PLK4: variants seen among roughly 807,000 people sequenced by gnomAD.
PLK4 encodes polo like kinase 4.
PLK4 carries 51 observed loss-of-function variants against 103.0 expected under a neutral mutation model. That is an observed-to-expected ratio of 0.50 (90% CI 0.40 to 0.63). The LOEUF is 0.63. Among genes scored for constraint, PLK4 ranks in the 20% least tolerant of loss-of-function variants. The probability of loss-of-function intolerance (pLI) is 0.00; values close to 1 mark genes in which losing one functional copy is unlikely to be tolerated. For synonymous variants in PLK4, 389 were observed against 376.8 expected (o/e 1.03, Z -0.38); for missense variants, 1,054 against 1,151.0 (o/e 0.92, Z 1.22).
chr4:127,887,426 T>C lies in PLK4; in HGVS notation c.1389T>C (p.Pro463=). The C allele has an allele frequency of 6.2e-7, 1 of 1,611,270 alleles. No individual in the cohort carries two copies. Among genetic ancestry groups the C allele is most frequent in the Non-Finnish European group, 8.5e-7 (1 of 1,177,968 alleles). Residue 463 remains proline (P), a synonymous_variant, in exon 6 of 16, where the codon CCT becomes CCC. Coordinates refer to ENST00000270861, the MANE Select transcript of PLK4 (RefSeq NM_014264.5). The part of the protein sequence containing the change: ...LSNHLCPGKT[P]FPFADPTPQT... ...ATCATCTTTGTCCAGGAAAAACTCC[T>C]TTTCCATTTGCAGACCCGACACCTC... is the stretch of plus-strand genomic sequence containing the variant.
At position 127,886,445 on chromosome 4, in the gene PLK4, A is replaced by G. The variant is rs368019065; in HGVS notation, c.1075A>G (p.Arg359Gly). The G allele has an allele frequency of 6.2e-7, 1 of 1,614,134 alleles. No individual in the cohort carries two copies. The highest frequency in any genetic ancestry group is 1.7e-5 in the Admixed American group (1 of 60,022). The change falls in exon 5 of 16, where the codon AGA (arginine) becomes GGA (glycine). Residue 359 changes from arginine (R) to glycine (G), a missense_variant. By Grantham distance (125) the Arg-to-Gly change is moderately radical. This residue lies in a region of PLK4 where 680 missense variants were observed against 660.3 expected (regional missense o/e 1.03). Transcript: ENST00000270861. Reference protein sequence around the residue: ...NQETSNSGRGRVIQDAEERPH... With the variant: ...NQETSNSGRGGVIQDAEERPH... Reference sequence around the variant, plus strand: ...AGAAACCAGTAATAGTGGAAGGGGAAGAGTAATTCAAGATGCAGAAGAAAG... The same window carrying G: ...AGAAACCAGTAATAGTGGAAGGGGAGGAGTAATTCAAGATGCAGAAGAAAG...
In PLK4 at chr4:127,895,049, C is replaced by T. The variant is rs367716417; in HGVS notation, c.2659C>T (p.Leu887Phe). 5.4e-5 allele frequency: 87 copies of T among 1,612,428 alleles called. No individual in the cohort carries two copies. The African/African-American group carries it at 9.5e-4, about 18-fold the overall frequency. The stretch of plus-strand genomic sequence containing the variant: ...AGATTGTCTTCCTAAATCAGCACAA[C>T]TTTTGAAATCTGTTTTTGTGAAAAA... ...LKDCLPKSAQ[L>F]LKSVFVKNVG... The change falls in exon 14 of 16, where the codon CTT becomes TTT. Residue 887 changes from leucine (L) to phenylalanine (F), a missense_variant. Physicochemically the swap from Leu to Phe is conservative, Grantham distance 22. Coordinates refer to ENST00000270861, the MANE Select transcript of PLK4 (RefSeq NM_014264.5).
Position 127,886,609 on chromosome 4 carries a change from A to T in PLK4, c.1239A>T (p.Gly413=). The T allele has an allele frequency of 1.2e-6, 2 of 1,614,006 alleles. No homozygotes were observed. The highest frequency in any genetic ancestry group is 1.7e-6 in the Non-Finnish European group (2 of 1,179,842). Residue 413 remains glycine, a synonymous_variant, in exon 5 of 16, where the codon GGA becomes GGT. Transcript: ENST00000270861. Reference sequence around the variant, plus strand: ...TTTCAGTGTCCAAAAGATCAGGAGGAGGTGAAAATGAAGAGAGGTACTCAC... The same window carrying T: ...TTTCAGTGTCCAAAAGATCAGGAGGTGGTGAAAATGAAGAGAGGTACTCAC... The part of the protein sequence containing the change: ...EMLSVSKRSG[G]GENEERYSPT...
Position 127,887,428 on chromosome 4 carries a change from T to C in PLK4, c.1391T>C (p.Phe464Ser), listed in dbSNP as rs866752288. The C allele has an allele frequency of 2.5e-6, 4 of 1,611,626 alleles. No individual in the cohort carries two copies. The African/African-American group carries it at 4.0e-5, about 16-fold the overall frequency. ...SNHLCPGKTP[F>S]PFADPTPQTE... is the part of the protein sequence containing the mutation. ...CATCTTTGTCCAGGAAAAACTCCTT[T>C]TCCATTTGCAGACCCGACACCTCAG... The change falls in exon 6 of 16, where the codon TTT becomes TCT. Residue 464 changes from phenylalanine (F) to serine (S), a missense_variant. This residue lies in a region of PLK4 where 680 missense variants were observed against 660.3 expected (regional missense o/e 1.03). Coordinates refer to ENST00000270861, the MANE Select transcript of PLK4 (RefSeq NM_014264.5).
intron 4 of PLK4, among the ~76,000 whole-genome samples, chr4:127,885,153 G>A (rs1408296872): frequency 6.6e-6 from 1 of 151,932 alleles, no homozygotes; most frequent in African/African-American, 2.4e-5. Context: ...TGGAAATAAC[G>A]AAGATTAAAA....
chr4:127,892,966 C>A (rs1216658043), intron 10 of PLK4, among the ~76,000 whole-genome samples: 4 of 151,948 alleles, frequency 2.6e-5, no homozygotes, highest in African/African-American at 9.7e-5. Context: ...AATCTATAAA[C>A]CTCCTTTAAG....
intron 13 of PLK4, 150 bp from the exon 14 acceptor site, chr4:127,894,803 A>T (rs943187959): frequency 1.1e-5 from 6 of 524,130 alleles, no homozygotes; most frequent in African/African-American, 9.9e-5. Flanking sequence ...TATTTTTCTA[A>T]TTTCCAATAA....
intron 4 of PLK4, among the ~76,000 whole-genome samples, chr4:127,884,691 C>A (rs756833653): frequency 3.0e-4 from 45 of 152,122 alleles, no homozygotes; most frequent in Non-Finnish European, 5.6e-4. Flanking sequence ...GTCATCCTAG[C>A]TACTTGGGAG....
At chr4:127,885,673 T>C (rs777052163) in intron 4 of PLK4, 35 bp from the exon 5 acceptor site, 31 of 1,521,368 alleles carry the variant, frequency 2.0e-5, no homozygotes, top group Non-Finnish European at 2.7e-5. Context: ...CCAGAGTTTC[T>C]AAATTGTAAA....
chr4:127,890,413 ATCT>A lies in PLK4; in HGVS notation c.1830+182_1830+184del, dbSNP rs563940500. Among the ~76,000 whole-genome samples the A allele has an allele frequency of 2.9e-3, 435 of 152,244 alleles. 3 individuals carry two copies. The highest frequency in any genetic ancestry group is 9.8e-3 in the African/African-American group (407 of 41,564). ...GGAAAAACAGCTCTTATTTCCCTCT[ATCT>A]TCTTAATTATAGTGACATGATACTG... is the stretch of plus-strand genomic sequence containing the variant. On this transcript the variant is annotated intron_variant, in intron 7 of 15. Coordinates refer to ENST00000270861, the MANE Select transcript of PLK4 (RefSeq NM_014264.5).
At chr4:127,895,759 T>A (rs1361769605) in intron 14 of PLK4, among the ~76,000 whole-genome samples, 2 of 152,022 alleles carry the variant, frequency 1.3e-5, no homozygotes, top group African/African-American at 4.8e-5. Context: ...AGAAAAGGAT[T>A]TTTCCATTAA....
At position 127,887,462 on chromosome 4, in the gene PLK4, C is replaced by T. The variant is rs770257020; in HGVS notation, c.1425C>T (p.Thr475=). 8.7e-6 allele frequency: 14 copies of T among 1,608,952 alleles called. No homozygotes were observed. The Admixed American group carries it at 1.0e-4, about 12-fold the overall frequency. ...PFADPTPQTE[T]VQQWFGNLQI... ...CAGACCCGACACCTCAGACTGAAAC[C>T]GTACAACAGTGGTTTGGGAATCTGC... The change falls in exon 6 of 16, where the codon ACC becomes ACT. Residue 475 remains threonine (T), a synonymous_variant. Coordinates refer to ENST00000270861, the MANE Select transcript of PLK4 (RefSeq NM_014264.5).
In PLK4 at chr4:127,899,098, A is replaced by G. The variant is rs1468129781; in HGVS notation, c.*557A>G. 6.6e-6 allele frequency: 1 copy of G among 152,278 alleles called. No homozygotes were observed. Among genetic ancestry groups the G allele is most frequent in the Non-Finnish European group, 1.5e-5 (1 of 68,044 alleles). 9.4% of individuals were successfully genotyped at this position (152,278 alleles called of 1,614,324 possible). ...ATTATCTTTTGATTCATTTAATTAA[A>G]TACTTATTTTTAAATAACTTACCAG... On this transcript the variant is annotated 3_prime_UTR_variant, in exon 16 of 16. Coordinates refer to ENST00000270861, the MANE Select transcript of PLK4 (RefSeq NM_014264.5).
rs1734897519 is a variant in PLK4 at position 127,881,101 on chromosome 4, CTAA to C, written c.-32_-30del. ...CCTCGAAGGGACTGCGTGAAGGAAG[CTAA>C]TCCGGAGAACCCAGGCCAGAGCCTG... On this transcript the variant is annotated 5_prime_UTR_variant, in exon 1 of 16. Transcript: ENST00000270861. 3 of 1,613,340 alleles carry C rather than the reference CTAA, an allele frequency of 1.9e-6. No homozygotes were observed. Among genetic ancestry groups the C allele is most frequent in the Middle Eastern group, 1.6e-4 (1 of 6,078 alleles).
Position 127,881,912 on chromosome 4 carries a change from G to T in PLK4, c.112G>T (p.Val38Phe). 6.3e-7 allele frequency: 1 copy of T among 1,584,810 alleles called. No individual in the cohort carries two copies. ...RAESIHTGLE[V>F]AIKMIDKKAM... Reference sequence around the variant, plus strand: ...TGAGTCCATTCACACTGGTTTGGAAGTTGCAATCAAAATGGTAAGAATAAA... The same window carrying T: ...TGAGTCCATTCACACTGGTTTGGAATTTGCAATCAAAATGGTAAGAATAAA... Residue 38 changes from valine (V) to phenylalanine (F), a missense_variant, in exon 2 of 16, where the codon GTT (valine) becomes TTT (phenylalanine). Coordinates refer to ENST00000270861, the MANE Select transcript of PLK4 (RefSeq NM_014264.5).
intron 7 of PLK4, among the ~76,000 whole-genome samples, chr4:127,890,606 A>G (rs892670207): frequency 1.3e-5 from 2 of 152,184 alleles, no homozygotes; most frequent in Admixed American, 6.5e-5. Context: ...ATTTAATCCC[A>G]TCTCAAATTT....
At chr4:127,886,788 T>C in intron 5 of PLK4, 60 bp downstream of exon 5, 1 of 989,236 alleles carries the variant, frequency 1.0e-6, no homozygotes, top group South Asian at 1.8e-5. Context: ...AGTATAAATA[T>C]GAAGCTGCAT....
At chr4:127,883,973 C>T (rs551383448) in intron 4 of PLK4, among the ~76,000 whole-genome samples, 13 of 152,188 alleles carry the variant, frequency 8.5e-5, no homozygotes, top group Non-Finnish European at 1.9e-4. Context: ...TAACACTCAG[C>T]TTCCAAAACT....
intron 4 of PLK4, 31 bp from the exon 5 acceptor site, chr4:127,885,677 T>C (rs1735093870): frequency 1.3e-6 from 2 of 1,534,042 alleles, no homozygotes; most frequent in East Asian, 2.2e-5. Flanking sequence ...AGTTTCTAAA[T>C]TGTAAATTCT....
Sources: gnomAD v4.1 joint callset for allele counts (sites outside exome capture counted in the v4.1 genomes callset) on GRCh38, gnomAD v4.1.1 for gene constraint, gnomAD v4.1.1 regional missense constraint, MANE v1.5 for transcripts, NCBI Gene and HGNC (gene_info 2026-07-23, HGNC 2026-07-21) for gene names.